Variants in VPS13D observed in about 807,000 individuals in gnomAD.
VPS13D encodes vacuolar protein sorting 13 homolog D, also known as intermembrane lipid transfer protein VPS13D.
In VPS13D, 187 loss-of-function variants were observed where a neutral mutation model predicts 461.9. The ratio of observed to expected loss-of-function variants is 0.40; its 90% confidence interval spans 0.36 to 0.46. The LOEUF is 0.46. VPS13D is among the 20% of genes least tolerant of loss of function. VPS13D has a pLI of 0.60. For missense variants in VPS13D, 4,711 were observed against 5,364.9 expected (o/e 0.88, Z 3.81); for synonymous variants, 1,951 against 1,986.3 (o/e 0.98, Z 0.47).
At position 12,363,072 on chromosome 1, in the gene VPS13D, G is replaced by A; in HGVS notation, c.10273G>A (p.Gly3425Arg). ...AAGCCTGTGATCCTATGTGTTTTAGGGAACAGCCAATCCCGAAGGTTACAT... is the reference window on the plus strand; with the variant it reads ...AAGCCTGTGATCCTATGTGTTTTAGAGAACAGCCAATCCCGAAGGTTACAT... ...FAQREFARGQ[G>R]TANPEGYIST... The change falls in exon 52 of 70, where the codon GGA becomes AGA. Residue 3425 changes from glycine (G) to arginine (R), a missense_variant and splice_region_variant. Physicochemically the swap from Gly to Arg is moderately radical, Grantham distance 125 (BLOSUM62 -2). This residue lies in a region of VPS13D where 4,411 missense variants were observed against 4,937.8 expected (regional missense o/e 0.89). Coordinates refer to ENST00000620676, the MANE Select transcript of VPS13D (RefSeq NM_015378.4). 7 of 1,613,902 alleles carry A rather than the reference G, an allele frequency of 4.3e-6. No individual in the cohort carries two copies. The highest frequency in any genetic ancestry group is 5.9e-6 in the Non-Finnish European group (7 of 1,179,894).
chr1:12,288,713 A>G (rs1642043577), intron 22 of VPS13D, among the ~76,000 whole-genome samples: 1 of 151,908 alleles, frequency 6.6e-6, no homozygotes, highest in Non-Finnish European at 1.5e-5. Context: ...TTACCCCTAG[A>G]AAACGGGCAT....
chr1:12,232,104 T>C (rs1639997329), intron 1 of VPS13D, among the ~76,000 whole-genome samples: 1 of 152,224 alleles, frequency 6.6e-6, no homozygotes, highest in Admixed American at 6.5e-5. Flanking sequence ...AGCTAATAAT[T>C]AGTTTTATGT....
At chr1:12,368,751 A>G (rs1180583809) in intron 53 of VPS13D, among the ~76,000 whole-genome samples, 160 bp downstream of exon 53, 2 of 152,178 alleles carry the variant, frequency 1.3e-5, no homozygotes, top group Admixed American at 1.3e-4. Context: ...AATCCTTACC[A>G]TTAAGAGGTG....
chr1:12,287,823 G>A (rs1642016719), intron 21 of VPS13D, among the ~76,000 whole-genome samples: 1 of 152,006 alleles, frequency 6.6e-6, no homozygotes, highest in Non-Finnish European at 1.5e-5. Flanking sequence ...GCAGTAAATG[G>A]GATTCTAAAT....
chr1:12,272,153 C>A (rs981889336), intron 17 of VPS13D, among the ~76,000 whole-genome samples: 7 of 152,204 alleles, frequency 4.6e-5, no homozygotes, highest in Non-Finnish European at 1.0e-4. Context: ...GATCTGCCCT[C>A]TAGCCTGGGT....
chr1:12,410,628 A>G (rs1484499622), intron 63 of VPS13D, among the ~76,000 whole-genome samples: 2 of 152,234 alleles, frequency 1.3e-5, no homozygotes, highest in African/African-American at 4.8e-5. Context: ...GGTATCTAAG[A>G]AGTTTACCAG....
intron 6 of VPS13D, among the ~76,000 whole-genome samples, chr1:12,250,031 C>T (rs1165998311): frequency 6.6e-6 from 1 of 152,210 alleles, no homozygotes; most frequent in Non-Finnish European, 1.5e-5. Flanking sequence ...CAGTTCCCCT[C>T]CTCAGGTTTG....
At chr1:12,288,708 C>T (rs1373560313) in intron 22 of VPS13D, among the ~76,000 whole-genome samples, 2 of 151,774 alleles carry the variant, frequency 1.3e-5, no homozygotes, top group African/African-American at 2.4e-5. Flanking sequence ...TATAATTACC[C>T]CTAGAAAACG....
chr1:12,337,353 G>C (rs1211162823), intron 39 of VPS13D: 1 of 152,196 alleles, frequency 6.6e-6, no homozygotes, highest in Non-Finnish European at 1.5e-5. Flanking sequence ...TTTTGAAAGT[G>C]AGTAGGGTTC....
At position 12,329,836 on chromosome 1, in the gene VPS13D, T is replaced by C. The variant is rs1313139648; in HGVS notation, c.8205T>C (p.Asn2735=). ...GGTTTGCTTTCATTGCAGGTCTGAA[T>C]TTTCTTCAGCGTGTAAGAACTAGCC... The part of the protein sequence containing the change: ...PLAELTFSRL[N]FLQRVRTSPE... The change falls in exon 37 of 70, where the codon AAT becomes AAC. Residue 2735 remains asparagine (N), a synonymous_variant. Transcript: ENST00000620676. 3.7e-6 allele frequency: 6 copies of C among 1,614,096 alleles called. No individual in the cohort carries two copies. The highest frequency in any genetic ancestry group is 5.1e-6 in the Non-Finnish European group (6 of 1,179,972).
At chr1:12,368,871 C>T (rs1261457245) in intron 53 of VPS13D, among the ~76,000 whole-genome samples, 3 of 152,180 alleles carry the variant, frequency 2.0e-5, no homozygotes, top group Admixed American at 6.5e-5. Flanking sequence ...ACTGTGCCTT[C>T]TGTAGACATC....
At chr1:12,427,691 C>T (rs556526416) in intron 65 of VPS13D, among the ~76,000 whole-genome samples, 8 of 152,146 alleles carry the variant, frequency 5.3e-5, no homozygotes, top group African/African-American at 1.9e-4. Context: ...TCAGGGACTT[C>T]AGCGTCTGTG....
chr1:12,499,804 C>T, intron 68 of VPS13D: 1 of 985,378 alleles, frequency 1.0e-6, no homozygotes, highest in Non-Finnish European at 1.2e-6. Context: ...GAAGTGTCCT[C>T]AGTTGTCAGC....
intron 67 of VPS13D, among the ~76,000 whole-genome samples, chr1:12,486,969 C>T (rs1021024558): frequency 6.6e-5 from 10 of 152,050 alleles, no homozygotes; most frequent in Non-Finnish European, 1.5e-4. Flanking sequence ...CGTTTCCAGG[C>T]CATGGCTTGG....
intron 65 of VPS13D, 71 bp downstream of exon 65, chr1:12,416,898 AT>A (rs1175439216): frequency 6.9e-7 from 1 of 1,442,042 alleles, no homozygotes; most frequent in East Asian, 2.5e-5. Flanking sequence ...AATTTCTTTT[AT>A]AGTTAATGGG....
intron 5 of VPS13D, among the ~76,000 whole-genome samples, chr1:12,246,746 G>C (rs550510723): frequency 6.6e-6 from 1 of 152,314 alleles, no homozygotes; most frequent in East Asian, 1.9e-4. Flanking sequence ...AGAGGACTGT[G>C]TTGTCCCCAG....
chr1:12,329,583 A>G (rs903401328), intron 36 of VPS13D, among the ~76,000 whole-genome samples: 4 of 152,212 alleles, frequency 2.6e-5, no homozygotes, highest in Non-Finnish European at 4.4e-5. Flanking sequence ...TGGGAAGGCA[A>G]ATGAGGTACT....
intron 66 of VPS13D, among the ~76,000 whole-genome samples, chr1:12,459,185 A>C (rs1156634402): frequency 1.3e-5 from 2 of 152,238 alleles, no homozygotes; most frequent in African/African-American, 4.8e-5. Flanking sequence ...AGATTTCACG[A>C]AGTGCCAGAA....
chr1:12,452,249 G>A (rs193262546), intron 65 of VPS13D, among the ~76,000 whole-genome samples: 44 of 152,274 alleles, frequency 2.9e-4, no homozygotes, highest in African/African-American at 8.7e-4. Context: ...TTTTTCCTTC[G>A]TCTGAATAAT....
Sources: allele counts gnomAD v4.1 joint callset (sites outside exome capture counted in the v4.1 genomes callset), GRCh38; gene constraint gnomAD v4.1.1; regional missense constraint gnomAD v4.1.1; transcripts MANE v1.5; gene names NCBI Gene and HGNC (gene_info 2026-07-23, HGNC 2026-07-21).